The following VWA2 variants were observed in gnomAD, a reference collection of about 807,000 sequenced individuals.
VWA2 encodes von Willebrand factor A domain-containing protein 2.
VWA2 carries 73 observed loss-of-function variants against 70.4 expected under a neutral mutation model. That is an observed-to-expected ratio of 1.04 (90% CI 0.86 to 1.26). The LOEUF is 1.26. Ranked by LOEUF, VWA2 falls within the 50% of genes most tolerant of loss-of-function variation. The pLI, the probability that VWA2 is intolerant of heterozygous loss-of-function variation, is 0.00. For missense variants in VWA2, 1,011 were observed against 998.5 expected (o/e 1.01, Z -0.17); for synonymous variants, 407 against 423.3 (o/e 0.96, Z 0.47).
At chr10:114,248,257 A>G (rs1461536499) in intron 1 of VWA2, among the ~76,000 whole-genome samples, 1 of 152,226 alleles carries the variant, frequency 6.6e-6, no homozygotes, top group Non-Finnish European at 1.5e-5. Flanking sequence ...AGAAGGTTTC[A>G]GAAGATGAGG....
chr10:114,281,723 G>A (rs781193308), intron 8 of VWA2: 146 of 985,356 alleles, frequency 1.5e-4, no homozygotes, highest in East Asian at 2.3e-4. Context: ...GGGGCACTGC[G>A]GGAGGCCTGG....
At chr10:114,276,919 G>T (rs560864589) in intron 6 of VWA2, among the ~76,000 whole-genome samples, 1 of 152,084 alleles carries the variant, frequency 6.6e-6, no homozygotes, top group Admixed American at 6.6e-5. Flanking sequence ...GGGCTGGGGG[G>T]CTCCAGGGCT....
intron 4 of VWA2, among the ~76,000 whole-genome samples, chr10:114,258,880 A>T (rs141356813): frequency 2.6e-5 from 4 of 152,254 alleles, no homozygotes; most frequent in East Asian, 3.9e-4. Context: ...TCACATTTTC[A>T]TGGAAATCTT....
intron 1 of VWA2, among the ~76,000 whole-genome samples, chr10:114,241,295 A>T (rs983863838): frequency 2.0e-5 from 3 of 152,230 alleles, no homozygotes; most frequent in Admixed American, 6.5e-5. Context: ...GGACAAATGT[A>T]AAATGACATA....
At position 114,286,270 on chromosome 10, in the gene VWA2, C is replaced by T. The variant is rs1282210809; in HGVS notation, c.1329C>T (p.Asp443=). ...GFGSATRTGQ[D]RPRRVVVLLT... is the part of the protein sequence containing the mutation. ...GGAGCGCCACCAGGACAGGCCAGGA[C>T]CGGCCACGTAGAGTGGTGGTTTTGC... The change falls in exon 11 of 14, where the codon GAC becomes GAT. Residue 443 remains aspartate, a synonymous_variant. Transcript: ENST00000392982. The T allele has an allele frequency of 6.2e-7, 1 of 1,611,312 alleles. No homozygotes were observed. The highest frequency in any genetic ancestry group is 1.1e-5 in the South Asian group (1 of 90,716).
At chr10:114,265,036 T>C (rs547180134) in intron 5 of VWA2, among the ~76,000 whole-genome samples, 11 of 152,312 alleles carry the variant, frequency 7.2e-5, no homozygotes, top group African/African-American at 2.6e-4. Context: ...CTACTTTTTG[T>C]GAAGTGTCTA....
chr10:114,262,900 A>G (rs2037476418), intron 5 of VWA2, among the ~76,000 whole-genome samples: 1 of 152,156 alleles, frequency 6.6e-6, no homozygotes, highest in Non-Finnish European at 1.5e-5. Flanking sequence ...GCCTCCGAGA[A>G]TTGGCTTCTT....
chr10:114,253,016 G>A (rs1415701440), intron 2 of VWA2, among the ~76,000 whole-genome samples: 1 of 151,372 alleles, frequency 6.6e-6, no homozygotes, highest in Non-Finnish European at 1.5e-5. Context: ...GCATCTGAGT[G>A]TACCTCTCTT....
chr10:114,288,148 C>G (rs2039137903), intron 11 of VWA2, among the ~76,000 whole-genome samples: 2 of 152,226 alleles, frequency 1.3e-5, no homozygotes, highest in African/African-American at 4.8e-5. Context: ...TCTCTGCATC[C>G]CCTGCACAGG....
chr10:114,264,325 T>C (rs1220461921), intron 5 of VWA2, among the ~76,000 whole-genome samples: 2 of 152,188 alleles, frequency 1.3e-5, no homozygotes, highest in Non-Finnish European at 2.9e-5. Context: ...ATGAACAAAA[T>C]ACTGATTCAT....
chr10:114,292,242 A>G lies in VWA2; in HGVS notation c.*1005A>G, dbSNP rs1046086208. 1.3e-5 allele frequency among the ~76,000 whole-genome samples: 2 copies of G among 152,204 alleles called. No homozygotes were observed. Among genetic ancestry groups the G allele is most frequent in the East Asian group, 1.9e-4 (1 of 5,168 alleles). On this transcript the variant is annotated 3_prime_UTR_variant, in exon 14 of 14. Coordinates refer to ENST00000392982, the MANE Select transcript of VWA2 (RefSeq NM_001272046.2). ...CAGTGAGCCGAGATCTCACCACTGC[A>G]CTCCAGCCTGGGCAACAAGAGTAAA...
intron 1 of VWA2, chr10:114,246,331 T>G: frequency 1.7e-6 from 1 of 572,422 alleles, no homozygotes; most frequent in East Asian, 3.0e-5. Flanking sequence ...TGAAACCCCG[T>G]CTCTACTAAA....
At chr10:114,267,412 G>A (rs1442307681) in intron 5 of VWA2, among the ~76,000 whole-genome samples, 5 of 147,316 alleles carry the variant, frequency 3.4e-5, no homozygotes, top group Admixed American at 1.4e-4. Flanking sequence ...CCACCGCGCC[G>A]GCTGGGTTTT....
chr10:114,273,074 T>G, intron 6 of VWA2, 140 bp downstream of exon 6: 1 of 642,122 alleles, frequency 1.6e-6, no homozygotes, highest in South Asian at 3.2e-5. Flanking sequence ...TTTGCCATTT[T>G]GACTCCAGTG....
chr10:114,290,351 C>G lies in VWA2; in HGVS notation c.2234C>G (p.Pro745Arg). 6.4e-7 allele frequency: 1 copy of G among 1,550,530 alleles called. No homozygotes were observed. Among genetic ancestry groups the G allele is most frequent in the Non-Finnish European group, 8.7e-7 (1 of 1,146,966 alleles). ...AAGTGTCGGGATGGCTGGGAGGGCC[C>G]CCACTGCGAGAACCGTGAGTGGAGC... ...RCKCRDGWEG[P>R]HCENRFLRRP Residue 745 changes from proline to arginine, a missense_variant, in exon 13 of 14, where the codon CCC becomes CGC. By Grantham distance (103) the Pro-to-Arg change is moderately radical. Coordinates refer to ENST00000392982, the MANE Select transcript of VWA2 (RefSeq NM_001272046.2).
At position 114,286,380 on chromosome 10, in the gene VWA2, G is replaced by A; in HGVS notation, c.1439G>A (p.Ser480Asn). The A allele has an allele frequency of 6.2e-7, 1 of 1,613,852 alleles. No individual in the cohort carries two copies. The highest frequency in any genetic ancestry group is 8.5e-7 in the Non-Finnish European group (1 of 1,180,038). ...GAGCTGCTCCTGCTGGGTGTAGGCA[G>A]TGAGGCCGTGCGGGCAGAGCTGGAG... The part of the protein sequence containing the change: ...ARELLLLGVG[S>N]EAVRAELEEI... Residue 480 changes from serine to asparagine, a missense_variant, in exon 11 of 14, where the codon AGT becomes AAT. Coordinates refer to ENST00000392982, the MANE Select transcript of VWA2 (RefSeq NM_001272046.2).
At chr10:114,253,812 T>A (rs1000281733) in intron 3 of VWA2, 87 bp downstream of exon 3, 2 of 1,259,838 alleles carry the variant, frequency 1.6e-6, no homozygotes, top group East Asian at 4.9e-5. Flanking sequence ...TTCCAGAGAG[T>A]TTCTGCCCCT....
rs931655291 is a variant in VWA2 at position 114,293,237 on chromosome 10, C to T, written c.*2000C>T. Among the ~76,000 whole-genome samples the T allele has an allele frequency of 1.6e-4, 25 of 152,184 alleles. No homozygotes were observed. Among genetic ancestry groups the T allele is most frequent in the Admixed American group, 6.5e-5 (1 of 15,282 alleles). On this transcript the variant is annotated 3_prime_UTR_variant, in exon 14 of 14. Coordinates refer to ENST00000392982, the MANE Select transcript of VWA2 (RefSeq NM_001272046.2). The stretch of plus-strand genomic sequence containing the variant: ...TTATGCTGCCCTTCACAGAAGACAA[C>T]GTCCGGGGCAGGATCACATGCTCCC...
chr10:114,258,300 A>G (rs1016312000), intron 4 of VWA2, among the ~76,000 whole-genome samples: 1 of 152,296 alleles, frequency 6.6e-6, no homozygotes, highest in African/African-American at 2.4e-5. Context: ...AGAAATGTCA[A>G]GTAGCTGTAA....
Sources: gnomAD v4.1 joint callset for allele counts (sites outside exome capture counted in the v4.1 genomes callset) on GRCh38, gnomAD v4.1.1 for gene constraint, MANE v1.5 for transcripts, NCBI Gene and HGNC (gene_info 2026-07-23, HGNC 2026-07-21) for gene names.